The following MCTP1 variants were observed in gnomAD, a reference collection of about 807,000 sequenced individuals.
The protein encoded by MCTP1 is multiple C2 and transmembrane domain containing 1, also known as multiple C2 and transmembrane domain-containing protein 1.
In MCTP1, 69 loss-of-function variants were observed where a neutral mutation model predicts 120.6. The observed-to-expected ratio is 0.57, with a 90% CI of 0.47 to 0.70. The LOEUF (loss-of-function observed/expected upper bound fraction) is 0.70, where lower values mean the gene tolerates loss of function less well. MCTP1 is among the 30% of genes least tolerant of loss of function. The pLI, the probability that MCTP1 is intolerant of heterozygous loss-of-function variation, is 0.00. For missense variants in MCTP1, 1,203 were observed against 1,248.8 expected (o/e 0.96, Z 0.55); for synonymous variants, 529 against 493.1 (o/e 1.07, Z -0.96).
chr5:95,151,157 T>G (rs1475185529), intron 1 of MCTP1, among the ~76,000 whole-genome samples: 4 of 91,386 alleles, frequency 4.4e-5, no homozygotes, highest in Non-Finnish European at 9.9e-5. Flanking sequence ...ATATATATAG[T>G]ATTTTTAGTA....
intron 1 of MCTP1, among the ~76,000 whole-genome samples, chr5:95,194,177 G>A (rs1750129122): frequency 1.3e-5 from 2 of 151,824 alleles, no homozygotes; most frequent in Non-Finnish European, 2.9e-5. Context: ...GATTGTGCCT[G>A]GGCAACAGAG....
At chr5:95,045,716 A>C (rs1843025151) in intron 1 of MCTP1, among the ~76,000 whole-genome samples, 1 of 152,204 alleles carries the variant, frequency 6.6e-6, no homozygotes, top group Non-Finnish European at 1.5e-5. Context: ...ATTTGTACTT[A>C]GTATGCAAAC....
At chr5:95,217,951 A>G (rs1471800689) in intron 1 of MCTP1, among the ~76,000 whole-genome samples, 2 of 152,154 alleles carry the variant, frequency 1.3e-5, no homozygotes, top group Non-Finnish European at 2.9e-5. Flanking sequence ...TGCCTCCCCA[A>G]CTTCTCTGAT....
chr5:95,208,881 C>G (rs1444782505), intron 1 of MCTP1, among the ~76,000 whole-genome samples: 2 of 152,174 alleles, frequency 1.3e-5, no homozygotes, highest in African/African-American at 2.4e-5. Context: ...TTTCAATCCA[C>G]TTTTCTAATC....
chr5:95,273,091 G>A (rs1010489382), intron 1 of MCTP1, among the ~76,000 whole-genome samples: 4 of 152,338 alleles, frequency 2.6e-5, no homozygotes, highest in East Asian at 3.9e-4. Context: ...CAGGGCGCAG[G>A]AGGCAACTGT....
At chr5:95,201,414 G>A (rs1026316820) in intron 1 of MCTP1, among the ~76,000 whole-genome samples, 4 of 146,012 alleles carry the variant, frequency 2.7e-5, no homozygotes, top group Admixed American at 6.9e-5. Context: ...AAATTATAGG[G>A]ATGAGTGTAT....
intron 1 of MCTP1, among the ~76,000 whole-genome samples, chr5:95,029,251 A>T (rs1208633861): frequency 6.6e-6 from 1 of 152,170 alleles, no homozygotes; most frequent in African/African-American, 2.4e-5. Context: ...ATCTATTATA[A>T]GATAGAGGAA....
At chr5:94,779,717 C>T (rs1776176971) in intron 18 of MCTP1, among the ~76,000 whole-genome samples, 1 of 151,966 alleles carries the variant, frequency 6.6e-6, no homozygotes, top group Admixed American at 6.6e-5. Context: ...GTGGATTACC[C>T]AAAACTCTCA....
At position 95,098,060 on chromosome 5, in the gene MCTP1, C is replaced by T. The variant is rs538414862; in HGVS notation, c.721-80576G>A. Among the ~76,000 whole-genome samples, 5 of 152,238 alleles carry T rather than the reference C, an allele frequency of 3.3e-5. No individual in the cohort carries two copies. In the East Asian group the frequency reaches 7.7e-4, roughly 23 times the overall value. On this transcript the variant is annotated intron_variant, in intron 1 of 22. Coordinates refer to ENST00000515393, the MANE Select transcript of MCTP1 (RefSeq NM_024717.7). ...AACTCAATGATTTCTGATCTTTCAA[C>T]GTGTTTTTGTTTACTTAAGTTCCTG... is the stretch of plus-strand genomic sequence containing the variant.
At chr5:94,828,392 T>C (rs946656216) in intron 17 of MCTP1, among the ~76,000 whole-genome samples, 4 of 152,156 alleles carry the variant, frequency 2.6e-5, no homozygotes, top group African/African-American at 9.6e-5. Flanking sequence ...TCTGTCGACC[T>C]GTGATGGGAG....
intron 1 of MCTP1, among the ~76,000 whole-genome samples, chr5:95,205,531 C>T (rs1751531495): frequency 6.6e-6 from 1 of 151,904 alleles, no homozygotes; most frequent in Non-Finnish European, 1.5e-5. Context: ...CAAAGGATAC[C>T]AACAAGAAAG....
intron 1 of MCTP1, among the ~76,000 whole-genome samples, chr5:95,240,658 A>G (rs1756059577): frequency 6.6e-6 from 1 of 152,222 alleles, no homozygotes; most frequent in Non-Finnish European, 1.5e-5. Context: ...TTCAGCAAAC[A>G]TATCTATCAA....
At chr5:94,909,199 C>CT (rs1394914047) in intron 10 of MCTP1, 52 bp downstream of exon 10, 154 of 1,581,044 alleles carry the variant, frequency 9.7e-5, no homozygotes, top group Non-Finnish European at 1.2e-4. Context: ...AGCAAATATT[C>CT]TTTTAATAAA....
chr5:94,714,997 G>C (rs10044797), intron 19 of MCTP1, 111 bp from the exon 20 acceptor site: 8 of 679,902 alleles, frequency 1.2e-5, no homozygotes, highest in Admixed American at 2.5e-5. Context: ...CTTCATTTTC[G>C]TGTGGTTATA....
chr5:95,010,209 T>C (rs1448629181), intron 2 of MCTP1, among the ~76,000 whole-genome samples: 1 of 152,146 alleles, frequency 6.6e-6, no homozygotes, highest in Non-Finnish European at 1.5e-5. Context: ...TCATCAGGCT[T>C]AAAACCTTAA....
Position 95,148,752 on chromosome 5 carries a change from G to GC in MCTP1, c.721-131269_721-131268insG, listed in dbSNP as rs1403629144. 6.0e-5 allele frequency among the ~76,000 whole-genome samples: 9 copies of GC among 151,162 alleles called. No individual in the cohort carries two copies. The East Asian group carries it at 1.4e-3, about 23-fold the overall frequency. On this transcript the variant is annotated intron_variant, in intron 1 of 22. Transcript: ENST00000515393. ...GTTACTTTAGAGATAAGGGGACTCT[G>GC]TTTTTTTTTAATTGCCAGAATTCCT...
chr5:95,161,238 G>A (rs1745703425), intron 1 of MCTP1, among the ~76,000 whole-genome samples: 1 of 152,104 alleles, frequency 6.6e-6, no homozygotes, highest in South Asian at 2.1e-4. Context: ...TGGCTTATAT[G>A]CATAATAGGA....
At chr5:94,860,310 G>T (rs1795513662) in intron 17 of MCTP1, among the ~76,000 whole-genome samples, 1 of 151,682 alleles carries the variant, frequency 6.6e-6, no homozygotes, top group Admixed American at 6.6e-5. Flanking sequence ...TAAATACAGT[G>T]CAATGTCTGG....
Position 95,100,313 on chromosome 5 carries a change from T to C in MCTP1, c.721-82829A>G, listed in dbSNP as rs1364964146. ...AAAAAAAAATATTTGCTTCATGATA[T>C]TTTGTTGTGCTTTTAGTGCTATATC... On this transcript the variant is annotated intron_variant, in intron 1 of 22. Coordinates refer to ENST00000515393, the MANE Select transcript of MCTP1 (RefSeq NM_024717.7). 2.0e-5 allele frequency among the ~76,000 whole-genome samples: 3 copies of C among 152,166 alleles called. No individual in the cohort carries two copies. In the East Asian group the frequency reaches 5.8e-4, roughly 29 times the overall value.
Sources: gnomAD v4.1 joint callset for allele counts (sites outside exome capture counted in the v4.1 genomes callset) on GRCh38, gnomAD v4.1.1 for gene constraint, MANE v1.5 for transcripts, NCBI Gene and HGNC (gene_info 2026-07-23, HGNC 2026-07-21) for gene names.